Variants in DIAPH3 observed in about 807,000 individuals in gnomAD.
DIAPH3 encodes the protein diaphanous related formin 3.
A neutral mutation model predicts 144.3 loss-of-function variants in DIAPH3; 117 were observed. The observed-to-expected ratio is 0.81, with a 90% CI of 0.70 to 0.95. DIAPH3 has a LOEUF of 0.95. Ranked by LOEUF, DIAPH3 falls within the 40% of genes least tolerant of loss-of-function variation. DIAPH3 has a pLI of 0.00. For synonymous variants in DIAPH3, 519 were observed against 488.9 expected (o/e 1.06, Z -0.81); for missense variants, 1,421 against 1,412.7 (o/e 1.01, Z -0.09).
At chr13:60,158,349 C>T (rs1952124628) in intron 1 of DIAPH3, among the ~76,000 whole-genome samples, 1 of 152,234 alleles carries the variant, frequency 6.6e-6, no homozygotes, top group Non-Finnish European at 1.5e-5. Context: ...TTGTTTTCAT[C>T]TGCTCTTTGT....
intron 17 of DIAPH3, among the ~76,000 whole-genome samples, chr13:59,956,048 T>C (rs1366666856): frequency 6.6e-6 from 1 of 152,164 alleles, no homozygotes; most frequent in Non-Finnish European, 1.5e-5. Flanking sequence ...ATTCAGAAGA[T>C]ATGGTTTCAA....
At chr13:60,120,895 A>T (rs1335931033) in intron 2 of DIAPH3, among the ~76,000 whole-genome samples, 1 of 152,232 alleles carries the variant, frequency 6.6e-6, no homozygotes, top group African/African-American at 2.4e-5. Context: ...TGAAATATCA[A>T]GTGTTTATTA....
intron 20 of DIAPH3, among the ~76,000 whole-genome samples, chr13:59,910,594 T>C (rs1463168998): frequency 6.6e-6 from 1 of 151,870 alleles, no homozygotes; most frequent in Non-Finnish European, 1.5e-5. Flanking sequence ...CTGAGTGTAG[T>C]GTTGGCCACC....
chr13:60,149,848 T>C (rs1429438487), intron 1 of DIAPH3, among the ~76,000 whole-genome samples: 1 of 152,032 alleles, frequency 6.6e-6, no homozygotes, highest in Non-Finnish European at 1.5e-5. Flanking sequence ...TTTTGTTTCT[T>C]TACTTCTCTG....
chr13:59,821,920 A>G (rs941146207), intron 24 of DIAPH3, among the ~76,000 whole-genome samples: 25 of 152,216 alleles, frequency 1.6e-4, no homozygotes, highest in Admixed American at 1.5e-3. Context: ...AAACTAGAAT[A>G]TCCCAAAGGA....
At chr13:59,778,580 G>T (rs900974605) in intron 25 of DIAPH3, among the ~76,000 whole-genome samples, 2 of 152,198 alleles carry the variant, frequency 1.3e-5, no homozygotes, top group African/African-American at 2.4e-5. Context: ...ATACATTCCC[G>T]CCACCATTCT....
intron 25 of DIAPH3, among the ~76,000 whole-genome samples, chr13:59,794,097 T>G (rs776368593): frequency 6.6e-6 from 1 of 152,244 alleles, no homozygotes; most frequent in Non-Finnish European, 1.5e-5. Context: ...CTGTGTTATA[T>G]GATTTTGCCC....
intron 26 of DIAPH3, 103 bp downstream of exon 26, chr13:59,774,625 G>A (rs974099664): frequency 1.9e-5 from 21 of 1,086,522 alleles, no homozygotes; most frequent in Middle Eastern, 2.0e-4. Flanking sequence ...TGTTGCCCAC[G>A]GCACTGCATT....
intron 22 of DIAPH3, among the ~76,000 whole-genome samples, chr13:59,844,365 G>A (rs1358444061): frequency 1.3e-5 from 2 of 151,868 alleles, no homozygotes; most frequent in African/African-American, 2.4e-5. Flanking sequence ...TTAGCCAGGC[G>A]TGGTGGCGAG....
intron 20 of DIAPH3, among the ~76,000 whole-genome samples, chr13:59,888,307 G>A (rs184333964): frequency 2.8e-4 from 43 of 152,136 alleles, no homozygotes; most frequent in Non-Finnish European, 4.7e-4. Flanking sequence ...AGAAATAAGT[G>A]GGCCCTCACC....
chr13:60,117,673 G>GA (rs1403606868), intron 2 of DIAPH3, among the ~76,000 whole-genome samples: 1 of 152,148 alleles, frequency 6.6e-6, no homozygotes, highest in South Asian at 2.1e-4. Flanking sequence ...TTCACACATG[G>GA]AAAAATCACT....
chr13:59,692,274 G>C (rs1481386563), intron 27 of DIAPH3, among the ~76,000 whole-genome samples: 1 of 150,306 alleles, frequency 6.7e-6, no homozygotes, highest in African/African-American at 2.4e-5. Flanking sequence ...TTTAACATTT[G>C]AGGGCTAATA....
chr13:60,043,292 A>C (rs1285581090), intron 4 of DIAPH3, among the ~76,000 whole-genome samples: 1 of 152,204 alleles, frequency 6.6e-6, no homozygotes, highest in African/African-American at 2.4e-5. Flanking sequence ...CGAAGTCTGG[A>C]AGAAATGCAA....
At chr13:59,847,602 G>A (rs1231822140) in intron 22 of DIAPH3, among the ~76,000 whole-genome samples, 1 of 152,116 alleles carries the variant, frequency 6.6e-6, no homozygotes, top group African/African-American at 2.4e-5. Context: ...TTACATAAGA[G>A]GTGCATAACA....
At chr13:59,744,781 T>C (rs2036623451) in intron 27 of DIAPH3, among the ~76,000 whole-genome samples, 1 of 151,710 alleles carries the variant, frequency 6.6e-6, no homozygotes, top group South Asian at 2.1e-4. Flanking sequence ...TCTGAAAGAG[T>C]TTTGGAACCA....
chr13:60,081,281 A>T (rs2057550904), intron 4 of DIAPH3, among the ~76,000 whole-genome samples: 1 of 152,058 alleles, frequency 6.6e-6, no homozygotes, highest in Non-Finnish European at 1.5e-5. Context: ...TAGAAATTAA[A>T]CTTAAAACTA....
In DIAPH3 at chr13:60,163,831, G is replaced by T. The variant is rs1749295618; in HGVS notation, c.-65C>A. On this transcript the variant is annotated 5_prime_UTR_variant, in exon 1 of 28. Transcript: ENST00000400324. ...CTCAGCAAGCCGCAAGCTGGAAGCTGAGGGATCGACAACAGGTTTTACTCC... is the reference window on the plus strand; with the variant it reads ...CTCAGCAAGCCGCAAGCTGGAAGCTTAGGGATCGACAACAGGTTTTACTCC... 3.3e-6 allele frequency: 5 copies of T among 1,529,496 alleles called. No individual in the cohort carries two copies. The highest frequency in any genetic ancestry group is 4.4e-6 in the Non-Finnish European group (5 of 1,141,820). The allele number at this position is 1,529,496 out of a possible 1,614,324, so 94.7% of individuals were successfully genotyped here. A position where few individuals can be genotyped will look rare whatever the true frequency, so the allele number is the denominator to read the frequency against.
rs1292400828 is a variant in DIAPH3, at chr13:59,971,102, G to C, written c.1709C>G (p.Thr570Ser). 1 of 1,610,718 alleles carries C rather than the reference G, an allele frequency of 6.2e-7. No homozygotes were observed. Among genetic ancestry groups the C allele is most frequent in the African/African-American group, 1.3e-5 (1 of 74,988 alleles). The change falls in exon 16 of 28, where the codon ACT (threonine) becomes AGT (serine). Residue 570 changes from threonine (T) to serine (S), a missense_variant. Physicochemically the swap from Thr to Ser is moderately conservative, Grantham distance 58 (BLOSUM62 1). Coordinates refer to ENST00000400324, the MANE Select transcript of DIAPH3 (RefSeq NM_001042517.2). ...CGGAGGAGGAAGTGCTGAGTGGCCA[G>C]TTCCACCTTCTTTAGAGGGAGGCAA... Reference protein sequence around the residue: ...IPLPPSKEGGTGHSALPPPPP... With the variant: ...IPLPPSKEGGSGHSALPPPPP...
At chr13:60,115,681 T>C (rs973063760) in intron 2 of DIAPH3, among the ~76,000 whole-genome samples, 5 of 152,174 alleles carry the variant, frequency 3.3e-5, no homozygotes, top group African/African-American at 1.2e-4. Context: ...TTTTAACTTT[T>C]TTTATAATAG....
Sources: allele counts gnomAD v4.1 joint callset (sites outside exome capture counted in the v4.1 genomes callset), GRCh38; gene constraint gnomAD v4.1.1; transcripts MANE v1.5; gene names NCBI Gene and HGNC (gene_info 2026-07-23, HGNC 2026-07-21).